Variants in LSS observed in about 807,000 individuals in gnomAD.
LSS encodes 2,3-epoxysqualene-lanosterol cyclase.
In LSS, 90 loss-of-function variants were observed where a neutral mutation model predicts 110.3. That is an observed-to-expected ratio of 0.82 (90% CI 0.69 to 0.97). The LOEUF (loss-of-function observed/expected upper bound fraction) is 0.97. Among genes scored for constraint, LSS ranks in the 50% least tolerant of loss-of-function variants. The pLI is 0.00. For synonymous variants in LSS, 433 were observed against 400.0 expected (o/e 1.08, Z -0.98); for missense variants, 927 against 990.0 (o/e 0.94, Z 0.85).
intron 18 of LSS, 60 bp from the exon 19 acceptor site, chr21:46,195,816 C>T: frequency 2.2e-6 from 3 of 1,381,304 alleles, no homozygotes; most frequent in Non-Finnish European, 3.1e-6. Context: ...GTGTGTGAAA[C>T]AACACGCATT....
At chr21:46,213,995 G>A (rs1236670699) in intron 9 of LSS, among the ~76,000 whole-genome samples, 160 bp from the exon 10 acceptor site, 2 of 152,262 alleles carry the variant, frequency 1.3e-5, no homozygotes, top group Non-Finnish European at 2.9e-5. Context: ...CATTTCCTGA[G>A]CGAGGATGGG....
At chr21:46,225,722 T>C (rs956433566) in intron 3 of LSS, among the ~76,000 whole-genome samples, 10 of 152,100 alleles carry the variant, frequency 6.6e-5, no homozygotes, top group South Asian at 2.1e-4. Context: ...TCTCTCTCTC[T>C]CCCACTCTCT....
rs771106663 is a variant in LSS, at chr21:46,216,824, TG to T, written c.648-301del. ...TTTCTTAGCTACAACAAACGTACCT[TG>T]GTAACATAAAACATCAACAATGGGG... On this transcript the variant is annotated intron_variant, in intron 6 of 21. Transcript: ENST00000397728. The surrounding 1 kb of genome is among the most constrained non-coding windows in gnomAD (Gnocchi z 4.2). 1.3e-4 allele frequency among the ~76,000 whole-genome samples: 20 copies of T among 152,158 alleles called. No individual in the cohort carries two copies. The highest frequency in any genetic ancestry group is 2.1e-4 in the Non-Finnish European group (14 of 68,022).
At position 46,228,599 on chromosome 21, in the gene LSS, C is replaced by T. The variant is rs2080388613; in HGVS notation, c.15G>A (p.Thr5=). 1 of 1,592,266 alleles carries T rather than the reference C, an allele frequency of 6.3e-7. No individual in the cohort carries two copies. Among genetic ancestry groups the T allele is most frequent in the Non-Finnish European group, 8.5e-7 (1 of 1,176,238 alleles). The part of the protein sequence containing the change: MTEG[T]CLRRRGGPYK... ...AGGGGCCCCCTCGGCGCCGCAGACA[C>T]CTGAGGACCACCGGCCATCAGCGAC... The change falls in exon 2 of 22, where the codon ACG becomes ACA. Residue 5 remains threonine (T), a splice_region_variant and synonymous_variant. Transcript: ENST00000397728.
intron 3 of LSS, among the ~76,000 whole-genome samples, chr21:46,225,055 G>A (rs542587689): frequency 3.3e-5 from 5 of 152,204 alleles, no homozygotes; most frequent in Non-Finnish European, 5.9e-5. Context: ...GCAAGAGACC[G>A]AGGGCACGAG....
At chr21:46,220,522 G>A (rs2080262968) in intron 5 of LSS, 1 of 152,966 alleles carries the variant, frequency 6.5e-6, no homozygotes, top group South Asian at 2.0e-4. Flanking sequence ...CGAGCCCTGG[G>A]ATAATAAGGG....
intron 19 of LSS, among the ~76,000 whole-genome samples, chr21:46,195,208 A>G (rs955421422): frequency 6.6e-6 from 1 of 152,224 alleles, no homozygotes; most frequent in Non-Finnish European, 1.5e-5. Flanking sequence ...TCCAGCATAC[A>G]TGTCAGGAAG....
intron 17 of LSS, among the ~76,000 whole-genome samples, chr21:46,200,575 A>C (rs1276911198): frequency 6.6e-6 from 1 of 152,112 alleles, no homozygotes; most frequent in Non-Finnish European, 1.5e-5. Context: ...AAAAAAAAAA[A>C]CACTGAGGAT....
intron 3 of LSS, among the ~76,000 whole-genome samples, chr21:46,223,849 C>T (rs1040177995): frequency 2.2e-4 from 33 of 152,158 alleles, no homozygotes; most frequent in Admixed American, 1.4e-3. Context: ...GGAAGACGCC[C>T]GTTGCCGAGC....
intron 16 of LSS, among the ~76,000 whole-genome samples, chr21:46,206,284 A>C (rs1046874452): frequency 6.6e-6 from 1 of 152,174 alleles, no homozygotes; most frequent in East Asian, 1.9e-4. Context: ...CACACACAGC[A>C]GCCTACTGCC....
At chr21:46,208,348 C>CGGGATGTCCCAGATG in intron 13 of LSS, 47 bp from the exon 14 acceptor site, 1 of 1,474,474 alleles carries the variant, frequency 6.8e-7, no homozygotes, top group Non-Finnish European at 9.3e-7. Flanking sequence ...CACGTCACCA[C>CGGGATGTCCCAGATG]GGGACGTCCC....
Position 46,194,670 on chromosome 21 carries a change from A to C in LSS, c.1818-9T>G. On this transcript the variant is annotated splice_polypyrimidine_tract_variant and intron_variant, in intron 19 of 21. Coordinates refer to ENST00000397728, the MANE Select transcript of LSS (RefSeq NM_002340.6). ...CCTCTGCACAGGCAGTCCTGCAAAG[A>C]CCAGAGACAGGAGACACCATCACAC... 1 of 1,609,540 alleles carries C rather than the reference A, an allele frequency of 6.2e-7. No individual in the cohort carries two copies. The highest frequency in any genetic ancestry group is 8.5e-7 in the Non-Finnish European group (1 of 1,179,216).
rs1349149592 is a variant in LSS at position 46,189,729 on chromosome 21, T to G, written c.*1375A>C. ...GGGGGAGAGGCCAGGGACTGCTACC[T>G]GCCCAGAAGGCGGCAGGGAGGGGAA... On this transcript the variant is annotated 3_prime_UTR_variant, in exon 22 of 22. Transcript: ENST00000397728. 4.4e-6 allele frequency: 2 copies of G among 456,876 alleles called. No individual in the cohort carries two copies. The highest frequency in any genetic ancestry group is 4.7e-5 in the Admixed American group (2 of 42,590). 28.3% of individuals were successfully genotyped at this position (456,876 alleles called of 1,614,324 possible).
intron 17 of LSS, among the ~76,000 whole-genome samples, chr21:46,196,999 G>A (rs9976233): frequency 0.57 from 87,010 of 152,174 alleles, 25,057 homozygotes; most frequent in East Asian, 0.69. Context: ...GCGAGACCCC[G>A]GTCCTGGCTA....
chr21:46,213,949 C>T (rs183173469), intron 9 of LSS, 114 bp from the exon 10 acceptor site: 45 of 740,270 alleles, frequency 6.1e-5, no homozygotes, highest in Admixed American at 5.5e-4. Flanking sequence ...GTGCAGATCA[C>T]TCAGGGCCAG....
intron 17 of LSS, among the ~76,000 whole-genome samples, chr21:46,202,412 T>A (rs1037717896): frequency 7.4e-5 from 11 of 148,044 alleles, no homozygotes; most frequent in Non-Finnish European, 1.0e-4. Context: ...AAAAAATAAA[T>A]AAAATAAAAT....
chr21:46,191,001 G>A lies in LSS; in HGVS notation c.*103C>T. The A allele has an allele frequency of 7.3e-7, 1 of 1,375,776 alleles. No individual in the cohort carries two copies. The highest frequency in any genetic ancestry group is 1.0e-6 in the Non-Finnish European group (1 of 994,750). The allele number at this position is 1,375,776 out of a possible 1,614,324, so 85.2% of individuals were successfully genotyped here. A position where few individuals can be genotyped will look rare whatever the true frequency, so the allele number is the denominator to read the frequency against. ...TCACATCTATGAGATAGAGGTTGAGGGGTTGGAGCCCAAGACAGGGTTATG... is the reference window on the plus strand; with the variant it reads ...TCACATCTATGAGATAGAGGTTGAGAGGTTGGAGCCCAAGACAGGGTTATG... On this transcript the variant is annotated 3_prime_UTR_variant, in exon 22 of 22. Coordinates refer to ENST00000397728, the MANE Select transcript of LSS (RefSeq NM_002340.6).
In LSS at chr21:46,216,606, C is replaced by A; in HGVS notation, c.648-82G>T. The A allele has an allele frequency of 7.0e-7, 1 of 1,433,008 alleles. No homozygotes were observed. The highest frequency in any genetic ancestry group is 9.2e-7 in the Non-Finnish European group (1 of 1,083,002). The allele number at this position is 1,433,008 out of a possible 1,614,324, so 88.8% of individuals were successfully genotyped here. ...CCAGCATCCATACCTTGGGCCCTTT[C>A]AAGCACGAACACTGGTGGATGGCTA... On this transcript the variant is annotated intron_variant, in intron 6 of 21. Coordinates refer to ENST00000397728, the MANE Select transcript of LSS (RefSeq NM_002340.6). The surrounding 1 kb of genome is among the most constrained non-coding windows in gnomAD (Gnocchi z 4.2).
Position 46,216,157 on chromosome 21 carries a change from C to G in LSS, c.783+232G>C, listed in dbSNP as rs574831480. ...CATCCCTTGAGTCCTGGAAGTCCCC[C>G]CCAGGAACCCTGGGCTACAGCTACT... On this transcript the variant is annotated intron_variant, in intron 7 of 21. Coordinates refer to ENST00000397728, the MANE Select transcript of LSS (RefSeq NM_002340.6). This position sits in a 1 kb window ranked among gnomAD's most constrained non-coding sequence, Gnocchi z 4.2. Among the ~76,000 whole-genome samples, 94 of 152,296 alleles carry G rather than the reference C, an allele frequency of 6.2e-4. No homozygotes were observed. Among genetic ancestry groups the G allele is most frequent in the South Asian group, 2.9e-3 (14 of 4,830 alleles).
Sources: allele counts gnomAD v4.1 joint callset (sites outside exome capture counted in the v4.1 genomes callset), GRCh38; gene constraint gnomAD v4.1.1; non-coding constraint Gnocchi (gnomAD v3.1); transcripts MANE v1.5; gene names NCBI Gene and HGNC (gene_info 2026-07-23, HGNC 2026-07-21).